The following EIPR1 variants were observed in gnomAD, a reference collection of about 807,000 sequenced individuals.
EIPR1 encodes the protein EARP complex and GARP complex interacting protein 1, also known as EARP and GARP complex-interacting protein 1.
EIPR1 carries 25 observed loss-of-function variants against 48.1 expected under a neutral mutation model. The ratio of observed to expected loss-of-function variants is 0.52; its 90% confidence interval spans 0.38 to 0.73. The LOEUF is 0.73. EIPR1 is among the 30% of genes least tolerant of loss of function. The pLI, the probability that EIPR1 is intolerant of heterozygous loss-of-function variation, is 0.00. For missense variants in EIPR1, 415 were observed against 506.2 expected (o/e 0.82, Z 1.73); for synonymous variants, 204 against 201.9 (o/e 1.01, Z -0.09).
intron 5 of EIPR1, among the ~76,000 whole-genome samples, chr2:3,202,022 C>T (rs909148597): frequency 1.3e-5 from 2 of 152,140 alleles, no homozygotes; most frequent in Non-Finnish European, 2.9e-5. Context: ...CTGCAAGCTC[C>T]AATTCCCGGG....
intron 3 of EIPR1, chr2:3,320,246 G>T: frequency 5.8e-6 from 1 of 173,396 alleles, no homozygotes; most frequent in Non-Finnish European, 1.2e-5. Flanking sequence ...CACCACACCT[G>T]CAGGCAGGGC....
chr2:3,249,656 A>C (rs2103205482), intron 4 of EIPR1, among the ~76,000 whole-genome samples: 1 of 152,316 alleles, frequency 6.6e-6, no homozygotes, highest in South Asian at 2.1e-4. Flanking sequence ...CTAATAGTCA[A>C]GACAATGGGA....
chr2:3,246,996 GCGAGGGA>G (rs1282501199), intron 4 of EIPR1, among the ~76,000 whole-genome samples: 1 of 224 alleles, frequency 4.5e-3, no homozygotes, highest in Non-Finnish European at 0.012. Flanking sequence ...GAGGGAGAGA[GCGAGGGA>G]GGAGAGAGCG....
intron 3 of EIPR1, among the ~76,000 whole-genome samples, chr2:3,334,642 G>A (rs1669991192): frequency 6.6e-6 from 1 of 152,260 alleles, no homozygotes; most frequent in Admixed American, 6.5e-5. Context: ...TCAAGCAGCT[G>A]TGCTGCTCTT....
At chr2:3,247,427 C>T (rs1258773308) in intron 4 of EIPR1, among the ~76,000 whole-genome samples, 1 of 152,166 alleles carries the variant, frequency 6.6e-6, no homozygotes, top group Non-Finnish European at 1.5e-5. Context: ...AATCAGCCAT[C>T]GAACCAATGG....
At chr2:3,264,160 C>A (rs1411884910) in intron 3 of EIPR1, among the ~76,000 whole-genome samples, 1 of 152,136 alleles carries the variant, frequency 6.6e-6, no homozygotes, top group South Asian at 2.1e-4. Flanking sequence ...TCCGCCCTCC[C>A]GCCAGCCTCT....
At chr2:3,329,466 C>T (rs1669820903) in intron 3 of EIPR1, among the ~76,000 whole-genome samples, 1 of 149,374 alleles carries the variant, frequency 6.7e-6, no homozygotes, top group South Asian at 2.2e-4. Flanking sequence ...CTAATGATCT[C>T]GAGGTTCCAG....
intron 3 of EIPR1, among the ~76,000 whole-genome samples, chr2:3,321,934 C>T (rs1440824366): frequency 1.3e-5 from 2 of 152,206 alleles, no homozygotes; most frequent in African/African-American, 4.8e-5. Context: ...CCCACAGCCA[C>T]GCATGAGCTC....
At chr2:3,242,890 C>T (rs576581321) in intron 4 of EIPR1, among the ~76,000 whole-genome samples, 1 of 152,310 alleles carries the variant, frequency 6.6e-6, no homozygotes, top group East Asian at 1.9e-4. Flanking sequence ...CAGCTTTCCA[C>T]ACGTGCAAGA....
chr2:3,377,618 G>T, intron 1 of EIPR1, 30 bp downstream of exon 1: 2 of 1,561,396 alleles, frequency 1.3e-6, no homozygotes, highest in Non-Finnish European at 1.7e-6. Flanking sequence ...GCCAGGCCGA[G>T]CAGCACCTGC....
chr2:3,335,947 C>T (rs1301136327), intron 3 of EIPR1, among the ~76,000 whole-genome samples: 2 of 152,218 alleles, frequency 1.3e-5, no homozygotes, highest in African/African-American at 2.4e-5. Context: ...CGAGAATGGA[C>T]TAATACCCCG....
chr2:3,252,904 T>A (rs776217926), intron 4 of EIPR1, among the ~76,000 whole-genome samples: 2 of 152,194 alleles, frequency 1.3e-5, no homozygotes, highest in Non-Finnish European at 2.9e-5. Flanking sequence ...AATAAAAAAC[T>A]CTAAGAACCC....
chr2:3,352,869 T>G (rs1002974212), intron 2 of EIPR1, among the ~76,000 whole-genome samples: 1 of 152,128 alleles, frequency 6.6e-6, no homozygotes, highest in Non-Finnish European at 1.5e-5. Context: ...TGGTGGTGCA[T>G]GCCTGTAATC....
chr2:3,325,660 G>A (rs529868864), intron 3 of EIPR1, among the ~76,000 whole-genome samples: 12 of 152,322 alleles, frequency 7.9e-5, no homozygotes, highest in South Asian at 2.1e-4. Context: ...ACACTGCTAC[G>A]TGTTTGCATA....
At chr2:3,279,405 T>C (rs1667953557) in intron 3 of EIPR1, among the ~76,000 whole-genome samples, 1 of 152,098 alleles carries the variant, frequency 6.6e-6, no homozygotes. Context: ...CCCAGCGAGG[T>C]AGCGTAGGAT....
intron 1 of EIPR1, among the ~76,000 whole-genome samples, chr2:3,365,133 G>A (rs1336275804): frequency 1.4e-5 from 2 of 143,486 alleles, no homozygotes; most frequent in Non-Finnish European, 3.0e-5. Flanking sequence ...TTAAAAAATT[G>A]TTTTAATTAA....
intron 4 of EIPR1, among the ~76,000 whole-genome samples, chr2:3,251,981 C>T (rs1156916673): frequency 6.6e-6 from 1 of 152,162 alleles, no homozygotes; most frequent in African/African-American, 2.4e-5. Context: ...GATACCTTTA[C>T]CTTAATCTCT....
intron 2 of EIPR1, among the ~76,000 whole-genome samples, chr2:3,349,985 G>A (rs1298652330): frequency 5.3e-5 from 8 of 151,946 alleles, no homozygotes; most frequent in African/African-American, 7.3e-5. Context: ...TTAGCTGGGC[G>A]TGGTGGCCTG....
intron 3 of EIPR1, among the ~76,000 whole-genome samples, chr2:3,280,401 G>A (rs957925408): frequency 5.3e-5 from 8 of 152,192 alleles, no homozygotes; most frequent in Non-Finnish European, 1.5e-5. Flanking sequence ...GGCATCTCAG[G>A]CTTCACACGA....
Sources: allele counts gnomAD v4.1 joint callset (sites outside exome capture counted in the v4.1 genomes callset), GRCh38; gene constraint gnomAD v4.1.1; transcripts MANE v1.5; gene names NCBI Gene and HGNC (gene_info 2026-07-23, HGNC 2026-07-21).